Variants in THBS4 observed in about 807,000 individuals in gnomAD.
The protein encoded by THBS4 is thrombospondin-4.
A neutral mutation model predicts 115.7 loss-of-function variants in THBS4; 90 were observed. The observed-to-expected ratio is 0.78, with a 90% CI of 0.66 to 0.93. THBS4 has a LOEUF of 0.93. THBS4 is among the 40% of genes least tolerant of loss of function. The pLI, the probability that THBS4 is intolerant of heterozygous loss-of-function variation, is 0.00. For missense variants in THBS4, 1,087 were observed against 1,232.7 expected (o/e 0.88, Z 1.77); for synonymous variants, 460 against 479.3 (o/e 0.96, Z 0.53).
chr5:79,992,956 A>G (rs921251330), intron 1 of THBS4, among the ~76,000 whole-genome samples: 4 of 152,320 alleles, frequency 2.6e-5, no homozygotes, highest in Admixed American at 6.5e-5. Context: ...AAGGCAAGGC[A>G]GGGGGAAAGA....
At chr5:80,049,988 C>T (rs146038505) in intron 2 of THBS4, among the ~76,000 whole-genome samples, 1 of 152,302 alleles carries the variant, frequency 6.6e-6, no homozygotes, top group Non-Finnish European at 1.5e-5. Flanking sequence ...CGAGCACCCA[C>T]TGACTGACAG....
intron 20 of THBS4, among the ~76,000 whole-genome samples, chr5:80,080,932 T>G (rs1743474054): frequency 6.6e-6 from 1 of 152,170 alleles, no homozygotes; most frequent in Admixed American, 6.5e-5. Flanking sequence ...GCACAAAGCC[T>G]GACATCTACT....
chr5:80,048,032 T>C (rs1173358135), intron 2 of THBS4, among the ~76,000 whole-genome samples: 1 of 152,110 alleles, frequency 6.6e-6, no homozygotes, highest in African/African-American at 2.4e-5. Context: ...GGAGGATCAC[T>C]TGAGCCCAGG....
upstream of THBS4, among the ~76,000 whole-genome samples, chr5:80,031,946 G>T (rs1436931802): frequency 6.6e-6 from 1 of 152,066 alleles, no homozygotes; most frequent in Non-Finnish European, 1.5e-5. Context: ...TCAATTCAAT[G>T]ATATATTTAC....
rs763494561 is a variant in THBS4 at position 80,073,334 on chromosome 5, C to T, written c.1892+7C>T. The T allele has an allele frequency of 6.2e-6, 10 of 1,612,956 alleles. No individual in the cohort carries two copies. Among genetic ancestry groups the T allele is most frequent in the South Asian group, 4.4e-5 (4 of 91,008 alleles). On this transcript the variant is annotated splice_region_variant and intron_variant, in intron 15 of 21. Coordinates refer to ENST00000350881, the MANE Select transcript of THBS4 (RefSeq NM_003248.6). ...GTGACACCAATCAGGACAGGTATGG[C>T]ATGTCTCCCAACTGCAGAGAGACAG...
Position 80,082,976 on chromosome 5 carries a change from C to G in THBS4, c.2825-104C>G, listed in dbSNP as rs577952676. ...GCGAGGGCCTGCGGGGCGTCCTGGG[C>G]GGGCTAACAGCGCCCCCTACAGGAC... is the stretch of plus-strand genomic sequence containing the variant. On this transcript the variant is annotated intron_variant, in intron 21 of 21. Coordinates refer to ENST00000350881, the MANE Select transcript of THBS4 (RefSeq NM_003248.6). 52 of 969,530 alleles carry G rather than the reference C, an allele frequency of 5.4e-5. No homozygotes were observed. The East Asian group carries it at 1.2e-3, about 23-fold the overall frequency. The allele number at this position is 969,530 out of a possible 1,614,324, so 60.1% of individuals were successfully genotyped here.
chr5:80,078,251 G>C (rs1488264966), intron 17 of THBS4, 24 bp downstream of exon 17: 1 of 1,546,874 alleles, frequency 6.5e-7, no homozygotes, highest in Non-Finnish European at 8.8e-7. Context: ...GGGCGGCAAT[G>C]GCTCAGCCTT....
At chr5:80,008,077 T>C (rs1832052431) in intron 2 of THBS4, among the ~76,000 whole-genome samples, 1 of 152,212 alleles carries the variant, frequency 6.6e-6, no homozygotes, top group Non-Finnish European at 1.5e-5. Context: ...CATGTCGGTG[T>C]CAATGAAAAT....
At chr5:80,033,720 G>C (rs1457382643), upstream of THBS4, among the ~76,000 whole-genome samples, 3 of 152,308 alleles carry the variant, frequency 2.0e-5, no homozygotes, top group South Asian at 4.1e-4. Flanking sequence ...CATCCACTAG[G>C]CTTGCTTGGT....
rs561944130 is a variant in THBS4 at position 80,059,490 on chromosome 5, C to T, written c.783C>T (p.Cys261=). Residue 261 remains cysteine, a splice_region_variant and synonymous_variant, in exon 6 of 22, where the codon TGC becomes TGT. Coordinates refer to ENST00000350881, the MANE Select transcript of THBS4 (RefSeq NM_003248.6). ...LRNTIAECQA[C]GPLKFQSPTP... Reference sequence around the variant, plus strand: ...ACACCATAGCTGAATGCCAGGCTTGCGGTAAGTGCTTTTCTAGTAATGGGC... The same window carrying T: ...ACACCATAGCTGAATGCCAGGCTTGTGGTAAGTGCTTTTCTAGTAATGGGC... 16 of 1,613,880 alleles carry T rather than the reference C, an allele frequency of 9.9e-6. No individual in the cohort carries two copies. In the Admixed American group the frequency reaches 1.2e-4, roughly 12 times the overall value.
At chr5:80,013,815 T>C (rs1037392681) in intron 2 of THBS4, among the ~76,000 whole-genome samples, 7 of 152,246 alleles carry the variant, frequency 4.6e-5, no homozygotes, top group Non-Finnish European at 8.8e-5. Flanking sequence ...GAGAATTAAA[T>C]GATGTATAAT....
upstream of THBS4, chr5:80,033,060 G>A (rs981246252): frequency 5.7e-6 from 1 of 175,584 alleles, no homozygotes; most frequent in Non-Finnish European, 1.4e-5. Context: ...TGCGTCTGGT[G>A]TGTCATTGGG....
At chr5:80,081,211 A>T (rs535374654) in intron 20 of THBS4, among the ~76,000 whole-genome samples, 2 of 152,220 alleles carry the variant, frequency 1.3e-5, no homozygotes, top group East Asian at 3.9e-4. Context: ...CATGAGGGCA[A>T]ATTCATGTTT....
intron 1 of THBS4, among the ~76,000 whole-genome samples, chr5:79,995,112 G>A (rs1831765055): frequency 6.6e-6 from 1 of 152,176 alleles, no homozygotes; most frequent in Non-Finnish European, 1.5e-5. Context: ...TGCTCAGGGA[G>A]AGTATTGGTT....
At position 80,071,132 on chromosome 5, in the gene THBS4, G is replaced by C. The variant is rs750568029; in HGVS notation, c.1672G>C (p.Asp558His). Residue 558 changes from aspartate (D) to histidine (H), a missense_variant, in exon 13 of 22, where the codon GAT becomes CAT. This residue lies in a region of THBS4 where 979 missense variants were observed against 1,103.7 expected (regional missense o/e 0.89). Coordinates refer to ENST00000350881, the MANE Select transcript of THBS4 (RefSeq NM_003248.6). Reference sequence around the variant, plus strand: ...CTTAAATAACGACCAGAAAGACACCGATGGGGATGGAAGAGGAGATGCCTG... The same window carrying C: ...CTTAAATAACGACCAGAAAGACACCCATGGGGATGGAAGAGGAGATGCCTG... ...SVLNNDQKDTDGDGRGDACDD... is the reference protein window; with the variant it reads ...SVLNNDQKDTHGDGRGDACDD... 21 of 1,607,022 alleles carry C rather than the reference G, an allele frequency of 1.3e-5. No individual in the cohort carries two copies. Among genetic ancestry groups the C allele is most frequent in the Non-Finnish European group, 1.8e-5 (21 of 1,178,282 alleles).
intron 1 of THBS4, among the ~76,000 whole-genome samples, chr5:80,036,632 A>G (rs773479600): frequency 2.0e-5 from 3 of 152,232 alleles, no homozygotes; most frequent in Non-Finnish European, 4.4e-5. Context: ...TGAAATAGCC[A>G]TTGGGTAGAA....
chr5:80,075,692 G>C (rs951898798), intron 15 of THBS4, among the ~76,000 whole-genome samples: 4 of 152,184 alleles, frequency 2.6e-5, no homozygotes, highest in African/African-American at 9.7e-5. Context: ...CCACAAAGTT[G>C]AACCTTGGAG....
At chr5:80,028,083 T>C (rs1475719724) in intron 2 of THBS4, among the ~76,000 whole-genome samples, 1 of 151,892 alleles carries the variant, frequency 6.6e-6, no homozygotes, top group Admixed American at 6.6e-5. Context: ...GGCACAGTAG[T>C]GCACACCTGC....
intron 2 of THBS4, among the ~76,000 whole-genome samples, chr5:80,020,391 A>G (rs559758148): frequency 5.9e-5 from 9 of 152,254 alleles, no homozygotes; most frequent in South Asian, 2.1e-4. Flanking sequence ...GGAGAATGGC[A>G]TGAACCCGGG....
Sources: gnomAD v4.1 joint callset for allele counts (sites outside exome capture counted in the v4.1 genomes callset) on GRCh38, gnomAD v4.1.1 for gene constraint, gnomAD v4.1.1 regional missense constraint, MANE v1.5 for transcripts, NCBI Gene and HGNC (gene_info 2026-07-23, HGNC 2026-07-21) for gene names.